Variants in STX4 observed in about 807,000 individuals in gnomAD.
The protein encoded by STX4 is syntaxin-4.
STX4 carries 24 observed loss-of-function variants against 41.8 expected under a neutral mutation model. The observed-to-expected ratio is 0.57, with a 90% CI of 0.42 to 0.81. The LOEUF (loss-of-function observed/expected upper bound fraction) is 0.81. STX4 is among the 30% of genes least tolerant of loss of function. The pLI, the probability that STX4 is intolerant of heterozygous loss-of-function variation, is 0.00. For missense variants in STX4, 316 were observed against 389.9 expected (o/e 0.81, Z 1.60); for synonymous variants, 158 against 156.4 (o/e 1.01, Z -0.08).
At position 31,034,327 on chromosome 16, in the gene STX4, T is replaced by C. The variant is rs755863524; in HGVS notation, c.232+2T>C. ...TGGCCACGCCCCTTCCCGAGGAGAG[T>C]GAGTGAAACCCCGGCTGCAGGGCGC... is the stretch of plus-strand genomic sequence containing the variant. On this transcript the variant is annotated splice_donor_variant, in intron 3 of 10. Transcript: ENST00000313843. LOFTEE classifies it high-confidence loss of function. 7 of 1,612,820 alleles carry C rather than the reference T, an allele frequency of 4.3e-6. No homozygotes were observed. The highest frequency in any genetic ancestry group is 3.3e-5 in the Admixed American group (2 of 59,858).
intron 5 of STX4, chr16:31,035,729 TC>T (rs377468126): frequency 6.6e-6 from 1 of 152,150 alleles, no homozygotes; most frequent in African/African-American, 2.4e-5. Context: ...AAGAGGAACT[TC>T]CTTGGGGCAA....
intron 5 of STX4, among the ~76,000 whole-genome samples, chr16:31,037,056 C>CCT (rs1303009525): frequency 7.8e-6 from 1 of 128,046 alleles, no homozygotes; most frequent in East Asian, 2.1e-4. Flanking sequence ...ATAGTGAGAC[C>CCT]CCCCCCCCTT....
chr16:31,036,849 G>C (rs1171298195), intron 5 of STX4, among the ~76,000 whole-genome samples: 1 of 152,024 alleles, frequency 6.6e-6, no homozygotes, highest in Non-Finnish European at 1.5e-5. Context: ...GCTTTGTCTA[G>C]GGAGGGGTAA....
rs200786971 is a variant in STX4 at position 31,039,599 on chromosome 16, G to A, written c.761G>A (p.Arg254His). The A allele has an allele frequency of 1.1e-5, 18 of 1,614,066 alleles. No individual in the cohort carries two copies. Among genetic ancestry groups the A allele is most frequent in the African/African-American group, 6.7e-5 (5 of 74,926 alleles). The change falls in exon 9 of 11, where the codon CGT becomes CAT. Residue 254 changes from arginine (R) to histidine (H), a missense_variant. Arg to His is a conservative substitution (Grantham distance 29, BLOSUM62 0). Transcript: ENST00000313843. This position sits in a 1 kb window ranked among gnomAD's most constrained non-coding sequence, Gnocchi z 4.1. Reference protein sequence around the residue: ...NILSSADYVERGQEHVKTALE... With the variant: ...NILSSADYVEHGQEHVKTALE... Reference sequence around the variant, plus strand: ...CTGAGCTCAGCGGACTACGTGGAACGTGGGCAGGAGCACGTCAAGACGGCC... The same window carrying A: ...CTGAGCTCAGCGGACTACGTGGAACATGGGCAGGAGCACGTCAAGACGGCC...
intron 5 of STX4, among the ~76,000 whole-genome samples, 168 bp downstream of exon 5, chr16:31,035,208 A>G (rs2056791172): frequency 6.6e-6 from 1 of 152,196 alleles, no homozygotes; most frequent in Non-Finnish European, 1.5e-5. Flanking sequence ...CAAGGTCAGG[A>G]AGCCAGGTCT....
At chr16:31,035,150 G>T in intron 5 of STX4, 110 bp downstream of exon 5, 1 of 819,502 alleles carries the variant, frequency 1.2e-6, no homozygotes, top group South Asian at 2.5e-5. Flanking sequence ...CCAATTGGAT[G>T]ACTTTTCCAA....
At position 31,038,496 on chromosome 16, in the gene STX4, T is replaced by C; in HGVS notation, c.565-14T>C. On this transcript the variant is annotated splice_polypyrimidine_tract_variant and intron_variant, in intron 7 of 10. Transcript: ENST00000313843. ...TCCCTGTGAACAGTTGCCCCACTCC[T>C]GTCCACCCCCCAGATCCTGAAGGAC... 1 of 1,613,958 alleles carries C rather than the reference T, an allele frequency of 6.2e-7. No individual in the cohort carries two copies. Among genetic ancestry groups the C allele is most frequent in the Non-Finnish European group, 8.5e-7 (1 of 1,179,888 alleles).
At chr16:31,036,299 T>C (rs1043728507) in intron 5 of STX4, among the ~76,000 whole-genome samples, 2 of 152,028 alleles carry the variant, frequency 1.3e-5, no homozygotes, top group African/African-American at 4.8e-5. Flanking sequence ...GGAATGAGCA[T>C]ATTTAAGGCC....
Position 31,039,188 on chromosome 16 carries a change from T to C in STX4, c.703-353T>C, listed in dbSNP as rs565032523. ...TGGTGGTGCCAGGAGGAGGCAGGGATAGGGAGGGCTTTGCAGCAGCTGTAG... is the reference window on the plus strand; with the variant it reads ...TGGTGGTGCCAGGAGGAGGCAGGGACAGGGAGGGCTTTGCAGCAGCTGTAG... On this transcript the variant is annotated intron_variant, in intron 8 of 10. Coordinates refer to ENST00000313843, the MANE Select transcript of STX4 (RefSeq NM_004604.5). This position sits in a 1 kb window ranked among gnomAD's most constrained non-coding sequence, Gnocchi z 4.1. 1.1e-4 allele frequency: 29 copies of C among 272,398 alleles called. No homozygotes were observed. Among genetic ancestry groups the C allele is most frequent in the Non-Finnish European group, 1.8e-4 (25 of 140,604 alleles). 16.9% of individuals were successfully genotyped at this position (272,398 alleles called of 1,614,324 possible).
At position 31,033,698 on chromosome 16, in the gene STX4, G is replaced by A; in HGVS notation, c.-108G>A. 1 of 1,446,900 alleles carries A rather than the reference G, an allele frequency of 6.9e-7. No individual in the cohort carries two copies. The allele number at this position is 1,446,900 out of a possible 1,614,324, so 89.6% of individuals were successfully genotyped here. On this transcript the variant is annotated 5_prime_UTR_variant, in exon 1 of 11. Coordinates refer to ENST00000313843, the MANE Select transcript of STX4 (RefSeq NM_004604.5). The surrounding 1 kb of genome is among the most constrained non-coding windows in gnomAD (Gnocchi z 5.5). ...CCTCTGGCGGCTCGTGGGGGTGTTG[G>A]GGTCCGCAGGGGGAGGGAGGGGAGT...
In STX4 at chr16:31,034,462, G is replaced by T; in HGVS notation, c.233G>T (p.Ser78Ile). Residue 78 changes from serine (S) to isoleucine (I), a missense_variant and splice_region_variant, in exon 4 of 11, where the codon AGC becomes ATC. Transcript: ENST00000313843. ...GGAGTCTTGGCCTTCTCTTATTCAG[G>T]CATGAAGCAGGAGCTGCAGAACCTG... ...TILATPLPEE[S>I]MKQELQNLRD... 6.2e-7 allele frequency: 1 copy of T among 1,602,714 alleles called. No individual in the cohort carries two copies. The highest frequency in any genetic ancestry group is 8.5e-7 in the Non-Finnish European group (1 of 1,172,894).
At position 31,035,971 on chromosome 16, in the gene STX4, G is replaced by A. The variant is rs377221773; in HGVS notation, c.378+931G>A. ...TTTTTATATTTTTGGTAGAAATGAG[G>A]TTTCACCTTGTTGGCCAGGCTGGTC... On this transcript the variant is annotated intron_variant, in intron 5 of 10. Transcript: ENST00000313843. Among the ~76,000 whole-genome samples the A allele has an allele frequency of 1.5e-3, 228 of 152,058 alleles. 4 individuals carry two copies. Among genetic ancestry groups the A allele is most frequent in the Middle Eastern group, 0.014 (4 of 294 alleles).
rs1261709911 is a variant in STX4 at position 31,039,675 on chromosome 16, T to A, written c.813+24T>A. The A allele has an allele frequency of 6.2e-7, 1 of 1,614,182 alleles. No homozygotes were observed. ...AGGTGAGCCTCCCAGGCCCGGCCAC[T>A]GCCCCAGGCACCCTGTGTGACTTCC... On this transcript the variant is annotated intron_variant, in intron 9 of 10. Coordinates refer to ENST00000313843, the MANE Select transcript of STX4 (RefSeq NM_004604.5). This position sits in a 1 kb window ranked among gnomAD's most constrained non-coding sequence, Gnocchi z 4.1.
At chr16:31,037,255 G>T (rs1439588854) in intron 5 of STX4, among the ~76,000 whole-genome samples, 2 of 151,228 alleles carry the variant, frequency 1.3e-5, no homozygotes, top group African/African-American at 4.8e-5. Flanking sequence ...GTAGAGATGG[G>T]GTTTCACCAC....
In STX4 at chr16:31,040,069, C is replaced by T. The variant is rs1481065149; in HGVS notation, c.*173C>T. 9 of 548,878 alleles carry T rather than the reference C, an allele frequency of 1.6e-5. No homozygotes were observed. Among genetic ancestry groups the T allele is most frequent in the Admixed American group, 1.6e-4 (5 of 31,564 alleles). 34.0% of individuals were successfully genotyped at this position (548,878 alleles called of 1,614,324 possible). On this transcript the variant is annotated 3_prime_UTR_variant, in exon 11 of 11. Transcript: ENST00000313843. ...GCAGCTGCTCATTCATGATGGCCTC[C>T]TCCTTCAGGCCTCAATGCCTGGGGG...
chr16:31,034,718 A>G, intron 4 of STX4, 182 bp downstream of exon 4: 1 of 730,616 alleles, frequency 1.4e-6, no homozygotes, highest in Non-Finnish European at 2.1e-6. Context: ...TCCGCCTCTC[A>G]GGTTCTTTTA....
intron 3 of STX4, 34 bp from the exon 4 acceptor site, chr16:31,034,418 AGGTGGGGGCT>A: frequency 1.2e-6 from 2 of 1,601,132 alleles, no homozygotes; most frequent in Non-Finnish European, 1.7e-6. Flanking sequence ...TGGTTTGTTG[AGGTGGGGGCT>A]GCTGTTTGGG....
intron 5 of STX4, among the ~76,000 whole-genome samples, chr16:31,037,064 C>CCCTT (rs1491425907): frequency 2.0e-4 from 24 of 122,278 alleles, no homozygotes; most frequent in East Asian, 4.6e-4. Context: ...ACCCCCCCCC[C>CCCTT]TTTTTTTTTT....
rs1261640036 is a variant in STX4, at chr16:31,037,923, T to C, written c.379-3T>C. 1.2e-6 allele frequency: 2 copies of C among 1,613,862 alleles called. No homozygotes were observed. Among genetic ancestry groups the C allele is most frequent in the Admixed American group, 3.3e-5 (2 of 59,978 alleles). ...GCACTCAGCCTATATTCTTCATCTT[T>C]AGCATGGGGTCCTGTCCCAGCAATT... On this transcript the variant is annotated splice_region_variant and splice_polypyrimidine_tract_variant and intron_variant, in intron 5 of 10. Coordinates refer to ENST00000313843, the MANE Select transcript of STX4 (RefSeq NM_004604.5).
Sources: gnomAD v4.1 joint callset for allele counts (sites outside exome capture counted in the v4.1 genomes callset) on GRCh38, gnomAD v4.1.1 for gene constraint, Gnocchi (gnomAD v3.1) non-coding constraint, MANE v1.5 for transcripts, NCBI Gene and HGNC (gene_info 2026-07-23, HGNC 2026-07-21) for gene names.